The following PALM variants were observed in gnomAD, a reference collection of about 807,000 sequenced individuals.
PALM encodes the protein paralemmin-1.
A neutral mutation model predicts 30.7 loss-of-function variants in PALM; 18 were observed. The ratio of observed to expected loss-of-function variants is 0.59; its 90% CI spans 0.41 to 0.87. The LOEUF is 0.87. Among genes scored for constraint, PALM ranks in the 40% least tolerant of loss-of-function variants. PALM has a pLI of 0.00. For synonymous variants in PALM, 286 were observed against 242.8 expected, an observed-to-expected ratio of 1.18 and a Z score of -1.66; for missense variants, 529 against 555.4, an observed-to-expected ratio of 0.95 and a Z score of 0.48.
chr19:715,877 G>A (rs974364505), intron 1 of PALM, among the ~76,000 whole-genome samples: 32 of 152,136 alleles, frequency 2.1e-4, no homozygotes, highest in Non-Finnish European at 1.2e-4. Context: ...CCACAGGGAC[G>A]GGGCTCCCTG....
At chr19:717,272 C>G (rs981303161) in intron 1 of PALM, among the ~76,000 whole-genome samples, 1 of 152,122 alleles carries the variant, frequency 6.6e-6, no homozygotes, top group African/African-American at 2.4e-5. Flanking sequence ...TTTCATCACC[C>G]CCAAAACAAG....
chr19:717,463 C>T lies in PALM; in HGVS notation c.5+8312C>T, dbSNP rs55836376. Among the ~76,000 whole-genome samples the T allele has an allele frequency of 3.3e-5, 5 of 152,244 alleles. No individual in the cohort carries two copies. In the East Asian group the frequency reaches 5.8e-4, roughly 18 times the overall value. ...TGATGTCCTCAAGGTGCATCCGCGCCGTGGCCTGGGTCAGAGCCTCGCTCC... is the reference window on the plus strand; with the variant it reads ...TGATGTCCTCAAGGTGCATCCGCGCTGTGGCCTGGGTCAGAGCCTCGCTCC... On this transcript the variant is annotated intron_variant, in intron 1 of 8. Transcript: ENST00000338448.
chr19:714,043 T>C (rs1218432245), intron 1 of PALM, among the ~76,000 whole-genome samples: 1 of 151,860 alleles, frequency 6.6e-6, no homozygotes, highest in African/African-American at 2.4e-5. Context: ...TAGCTGGGAC[T>C]ACAGGTACCC....
chr19:738,544 G>A (rs1414025463), intron 7 of PALM, among the ~76,000 whole-genome samples: 1 of 152,008 alleles, frequency 6.6e-6, no homozygotes, highest in Non-Finnish European at 1.5e-5. Context: ...AAAAGAGGGA[G>A]GACTGAGCTG....
At chr19:731,316 C>A in intron 5 of PALM, 71 bp downstream of exon 5, 1 of 1,373,732 alleles carries the variant, frequency 7.3e-7, no homozygotes. Flanking sequence ...AGGCCCCAGC[C>A]CTTCCATGTC....
At chr19:710,092 C>T (rs2032022877) in intron 1 of PALM, among the ~76,000 whole-genome samples, 2 of 152,186 alleles carry the variant, frequency 1.3e-5, no homozygotes, top group South Asian at 4.1e-4. Context: ...GACAGGGGAG[C>T]CAGCTGCCCT....
chr19:738,136 A>G (rs2033076798), intron 7 of PALM, among the ~76,000 whole-genome samples: 1 of 152,080 alleles, frequency 6.6e-6, no homozygotes, highest in Admixed American at 6.5e-5. Flanking sequence ...CACGCCTGTA[A>G]TCCCAGCACC....
intron 4 of PALM, among the ~76,000 whole-genome samples, chr19:730,770 C>T (rs552722800): frequency 4.2e-4 from 64 of 152,212 alleles, no homozygotes; most frequent in African/African-American, 1.5e-3. Context: ...GAGGATGAGG[C>T]GGGCAGATCA....
At chr19:726,750 G>A (rs577408998) in intron 2 of PALM, among the ~76,000 whole-genome samples, 4 of 152,294 alleles carry the variant, frequency 2.6e-5, no homozygotes, top group East Asian at 3.9e-4. Context: ...TGATCCTCCC[G>A]CCTTGGCCTC....
chr19:712,352 G>A (rs1236364731), intron 1 of PALM, among the ~76,000 whole-genome samples: 2 of 151,946 alleles, frequency 1.3e-5, no homozygotes, highest in Non-Finnish European at 2.9e-5. Flanking sequence ...GCCCTGTTCC[G>A]AATGCTTTAT....
intron 1 of PALM, among the ~76,000 whole-genome samples, chr19:723,888 G>A (rs1026062383): frequency 5.3e-5 from 8 of 152,116 alleles, no homozygotes; most frequent in East Asian, 1.9e-4. Context: ...GAGCCACCGC[G>A]CCCGGCCTGC....
At chr19:733,026 A>G (rs2032920059) in intron 5 of PALM, among the ~76,000 whole-genome samples, 1 of 151,924 alleles carries the variant, frequency 6.6e-6, no homozygotes, top group African/African-American at 2.4e-5. Flanking sequence ...TCCTGGGTTC[A>G]AGTGATTCTC....
rs1052818023 is a variant in PALM at position 709,696 on chromosome 19, C to T, written c.5+545C>T. ...GAGCCCCCCGCCACTGCGCAGGTCC[C>T]GAGTTACCGCTGGAGGGAGAGGGGC... On this transcript the variant is annotated intron_variant, in intron 1 of 8. Transcript: ENST00000338448. This position sits in a 1 kb window ranked among gnomAD's most constrained non-coding sequence, Gnocchi z 4.3. Among the ~76,000 whole-genome samples the T allele has an allele frequency of 1.3e-5, 2 of 152,156 alleles. No homozygotes were observed. Among genetic ancestry groups the T allele is most frequent in the Non-Finnish European group, 2.9e-5 (2 of 68,012 alleles).
At chr19:712,954 G>T (rs1408143219) in intron 1 of PALM, among the ~76,000 whole-genome samples, 2 of 152,210 alleles carry the variant, frequency 1.3e-5, no homozygotes, top group East Asian at 1.9e-4. Flanking sequence ...GGCATTACAG[G>T]TGTGAGGCAC....
intron 2 of PALM, 110 bp downstream of exon 2, chr19:726,299 G>A: frequency 4.7e-6 from 4 of 849,584 alleles, no homozygotes; most frequent in Middle Eastern, 3.5e-4. Flanking sequence ...CATGGTGGGT[G>A]GTGAGTTATT....
intron 8 of PALM, among the ~76,000 whole-genome samples, chr19:741,306 A>G (rs1232818547): frequency 6.6e-6 from 1 of 151,970 alleles, no homozygotes; most frequent in Non-Finnish European, 1.5e-5. Context: ...TGGGAACCAC[A>G]CCTGGCAGAG....
rs755545565 is a variant in PALM at position 709,919 on chromosome 19, G to T, written c.5+768G>T. 2.4e-3 allele frequency among the ~76,000 whole-genome samples: 358 copies of T among 152,272 alleles called. 2 individuals carry two copies. Among genetic ancestry groups the T allele is most frequent in the Non-Finnish European group, 2.9e-3 (198 of 67,988 alleles). On this transcript the variant is annotated intron_variant, in intron 1 of 8. Transcript: ENST00000338448. The surrounding 1 kb of genome is among the most constrained non-coding windows in gnomAD (Gnocchi z 4.3). The stretch of plus-strand genomic sequence containing the variant: ...GGCTGCGCCTGTGTGTGTGGGGGGG[G>T]GGTGGCCAGTGGAGGCACCGAGCGA...
chr19:731,812 A>G (rs2032888793), intron 5 of PALM, among the ~76,000 whole-genome samples: 1 of 152,092 alleles, frequency 6.6e-6, no homozygotes, highest in Non-Finnish European at 1.5e-5. Flanking sequence ...GGCGCCTGCC[A>G]CCATACCCGG....
intron 8 of PALM, among the ~76,000 whole-genome samples, chr19:743,812 A>G (rs904656935): frequency 2.0e-5 from 3 of 152,364 alleles, no homozygotes; most frequent in Middle Eastern, 3.4e-3. Flanking sequence ...ATGTCAAGTC[A>G]GAGACACACA....
Sources: allele counts gnomAD v4.1 joint callset (sites outside exome capture counted in the v4.1 genomes callset), GRCh38; gene constraint gnomAD v4.1.1; non-coding constraint Gnocchi (gnomAD v3.1); transcripts MANE v1.5; gene names NCBI Gene and HGNC (gene_info 2026-07-23, HGNC 2026-07-21).